CAMK2A: variants seen among roughly 807,000 people sequenced by gnomAD.
The protein encoded by CAMK2A is calcium/calmodulin dependent protein kinase II alpha, also known as calcium/calmodulin-dependent protein kinase type II subunit alpha.
A neutral mutation model predicts 79.2 loss-of-function variants in CAMK2A; 7 were observed. The observed-to-expected ratio is 0.09, with a 90% CI of 0.05 to 0.17. The LOEUF is 0.17. Ranked by LOEUF, CAMK2A falls within the 10% of genes least tolerant of loss-of-function variation. The probability of loss-of-function intolerance (pLI) is 1.00; values close to 1 mark genes in which losing one functional copy is unlikely to be tolerated. For synonymous variants in CAMK2A, 242 were observed against 251.7 expected, an observed-to-expected ratio of 0.96 and a Z score of 0.36; for missense variants, 214 against 646.4, an observed-to-expected ratio of 0.33 and a Z score of 7.25.
chr5:150,264,008 T>C (rs186404372), intron 3 of CAMK2A, among the ~76,000 whole-genome samples: 2,292 of 152,278 alleles, frequency 0.015, 205 homozygotes, highest in Admixed American at 0.14. Flanking sequence ...CTTGGGGCCC[T>C]GGGCACGGAG....
chr5:150,232,281 G>A (rs978318049), intron 15 of CAMK2A, among the ~76,000 whole-genome samples: 2 of 152,246 alleles, frequency 1.3e-5, no homozygotes, highest in Non-Finnish European at 2.9e-5. Context: ...AGTGTTCTCC[G>A]AGGGTTGTTA....
intron 17 of CAMK2A, among the ~76,000 whole-genome samples, chr5:150,224,542 C>A (rs75019577): frequency 6.6e-6 from 1 of 151,954 alleles, no homozygotes; most frequent in African/African-American, 2.4e-5. Context: ...ATCAGAAGCA[C>A]GCTACACCCA....
intron 1 of CAMK2A, among the ~76,000 whole-genome samples, chr5:150,282,163 C>A (rs1757242631): frequency 6.6e-6 from 1 of 152,172 alleles, no homozygotes; most frequent in African/African-American, 2.4e-5. Context: ...CACTCCCAGA[C>A]TCTAAAAGAT....
chr5:150,268,654 C>T (rs754597904), intron 2 of CAMK2A, among the ~76,000 whole-genome samples: 9 of 152,208 alleles, frequency 5.9e-5, no homozygotes, highest in South Asian at 2.1e-4. Context: ...GTTCCCAGGG[C>T]GTGGCATAGA....
chr5:150,238,638 A>C (rs1562147299), intron 15 of CAMK2A, 62 bp downstream of exon 15: 1 of 1,469,958 alleles, frequency 6.8e-7, no homozygotes, highest in Admixed American at 1.9e-5. Flanking sequence ...CAGGAAAAAG[A>C]GGTCTGCTCA....
At chr5:150,266,391 C>G (rs1270564694) in intron 2 of CAMK2A, among the ~76,000 whole-genome samples, 1 of 152,202 alleles carries the variant, frequency 6.6e-6, no homozygotes, top group African/African-American at 2.4e-5. Flanking sequence ...AAATGCATTT[C>G]CCATTTTCCT....
chr5:150,227,398 C>T (rs1044210037), intron 17 of CAMK2A, among the ~76,000 whole-genome samples: 73 of 152,210 alleles, frequency 4.8e-4, no homozygotes, highest in African/African-American at 1.6e-3. Context: ...TGCCCACATA[C>T]ACCCTAAATC....
At chr5:150,260,454 G>A (rs889153490) in intron 3 of CAMK2A, among the ~76,000 whole-genome samples, 2 of 118,144 alleles carry the variant, frequency 1.7e-5, no homozygotes, top group Non-Finnish European at 3.5e-5. Flanking sequence ...GTGAGAGTCC[G>A]TCTCAAAAAA....
intron 12 of CAMK2A, among the ~76,000 whole-genome samples, chr5:150,246,999 C>A (rs988038213): frequency 1.3e-5 from 2 of 152,248 alleles, no homozygotes; most frequent in Admixed American, 1.3e-4. Context: ...CAGAAGGAAG[C>A]CTCTGGAGGG....
intron 15 of CAMK2A, chr5:150,238,411 C>T (rs1026130721): frequency 1.1e-5 from 3 of 283,400 alleles, no homozygotes; most frequent in Non-Finnish European, 2.0e-5. Flanking sequence ...GAGATCGTGC[C>T]ACTGCACTCC....
intron 3 of CAMK2A, among the ~76,000 whole-genome samples, chr5:150,263,448 T>G (rs981648167): frequency 2.0e-5 from 3 of 147,222 alleles, no homozygotes; most frequent in African/African-American, 7.6e-5. Context: ...ATTCACACAC[T>G]CACACACGTG....
chr5:150,277,242 C>T (rs1041494130), intron 1 of CAMK2A, among the ~76,000 whole-genome samples: 1 of 152,204 alleles, frequency 6.6e-6, no homozygotes, highest in Non-Finnish European at 1.5e-5. Flanking sequence ...ATTCCAAGGT[C>T]CCACCCACAC....
intron 17 of CAMK2A, among the ~76,000 whole-genome samples, chr5:150,226,960 T>C (rs1754631508): frequency 6.6e-6 from 1 of 151,468 alleles, no homozygotes; most frequent in African/African-American, 2.4e-5. Flanking sequence ...TTAGTAGAGA[T>C]GGGGTTTCAC....
chr5:150,236,132 G>T lies in CAMK2A; in HGVS notation c.1066+2568C>A, dbSNP rs201929462. 3.3e-5 allele frequency among the ~76,000 whole-genome samples: 5 copies of T among 152,134 alleles called. No individual in the cohort carries two copies. The East Asian group carries it at 9.6e-4, about 29-fold the overall frequency. On this transcript the variant is annotated intron_variant, in intron 15 of 18. Coordinates refer to ENST00000671881, the MANE Select transcript of CAMK2A (RefSeq NM_015981.4). ...CTTTGCAAATTACCCCATCCTGATC[G>T]CTCTAAAGCAGAGGATAATGACGGC...
chr5:150,266,225 T>C (rs1231725143), intron 2 of CAMK2A, among the ~76,000 whole-genome samples: 1 of 152,158 alleles, frequency 6.6e-6, no homozygotes, highest in Non-Finnish European at 1.5e-5. Flanking sequence ...CCACTGTGGC[T>C]TCTGATTCTC....
At chr5:150,280,898 C>G (rs1385716257) in intron 1 of CAMK2A, among the ~76,000 whole-genome samples, 17 of 152,202 alleles carry the variant, frequency 1.1e-4, no homozygotes, top group African/African-American at 4.1e-4. Context: ...GGGCCATTAG[C>G]TGTGATCTCT....
At chr5:150,276,889 G>A (rs1019991082) in intron 1 of CAMK2A, among the ~76,000 whole-genome samples, 1 of 152,174 alleles carries the variant, frequency 6.6e-6, no homozygotes, top group African/African-American at 2.4e-5. Flanking sequence ...CCTTAGATCA[G>A]TGATTATCAA....
intron 1 of CAMK2A, among the ~76,000 whole-genome samples, chr5:150,275,936 G>A (rs1314850055): frequency 1.3e-5 from 2 of 152,070 alleles, no homozygotes; most frequent in Admixed American, 1.3e-4. Flanking sequence ...CCTGAGAATG[G>A]GGAGAGGGGC....
At chr5:150,286,556 T>C (rs776041306) in intron 1 of CAMK2A, among the ~76,000 whole-genome samples, 12 of 152,264 alleles carry the variant, frequency 7.9e-5, no homozygotes, top group African/African-American at 1.2e-4. Flanking sequence ...GGCTCCCATG[T>C]GCCCTTTTAG....
Sources: allele counts gnomAD v4.1 joint callset (sites outside exome capture counted in the v4.1 genomes callset), GRCh38; gene constraint gnomAD v4.1.1; transcripts MANE v1.5; gene names NCBI Gene and HGNC (gene_info 2026-07-23, HGNC 2026-07-21).